WNK2: variants seen among roughly 807,000 people sequenced by gnomAD.
The protein encoded by WNK2 is WNK lysine deficient protein kinase 2, also known as serine/threonine-protein kinase WNK2.
A neutral mutation model predicts 192.1 loss-of-function variants in WNK2; 67 were observed. That is an observed-to-expected ratio of 0.35 (90% CI 0.29 to 0.43). The LOEUF is 0.43. Among genes scored for constraint, WNK2 ranks in the 20% least tolerant of loss-of-function variants. The pLI, the probability that WNK2 is intolerant of heterozygous loss-of-function variation, is 1.00. For missense variants in WNK2, 2,698 were observed against 3,089.7 expected, an observed-to-expected ratio of 0.87 and a Z score of 3.01; for synonymous variants, 1,439 against 1,393.9, an observed-to-expected ratio of 1.03 and a Z score of -0.72.
At position 93,283,129 on chromosome 9, in the gene WNK2, G is replaced by A. The variant is rs189637086; in HGVS notation, c.4034-5659G>A. 1.9e-4 allele frequency among the ~76,000 whole-genome samples: 29 copies of A among 152,218 alleles called. 1 individual carries two copies. Among genetic ancestry groups the A allele is most frequent in the African/African-American group, 4.6e-4 (19 of 41,542 alleles). ...AACATCATGCTAATGAAAATATTAC[G>A]TATCAAAATTTGTGAAATGCAGTTA... On this transcript the variant is annotated intron_variant, in intron 19 of 29. Coordinates refer to ENST00000427277, the MANE Select transcript of WNK2 (RefSeq NM_006648.4).
intron 9 of WNK2, 55 bp from the exon 10 acceptor site, chr9:93,256,244 A>C: frequency 1.4e-6 from 2 of 1,434,288 alleles, no homozygotes; most frequent in Non-Finnish European, 1.8e-6. Flanking sequence ...CCTGCCCAGG[A>C]GGGGGCCTGG....
At position 93,252,885 on chromosome 9, in the gene WNK2, G is replaced by C. The variant is rs1279443239; in HGVS notation, c.1837G>C (p.Asp613His). Residue 613 changes from aspartate to histidine, a missense_variant and splice_region_variant, in exon 9 of 30, where the codon GAC becomes CAC. Asp to His is a moderately conservative substitution (Grantham distance 81, BLOSUM62 -1). This residue lies in a region of WNK2 where 893 missense variants were observed against 909.0 expected (regional missense o/e 0.98). Coordinates refer to ENST00000427277, the MANE Select transcript of WNK2 (RefSeq NM_006648.4). ...LPTSATSLAS[D>H]STFDSGQGST... ...AGTCCTGCTTTTGTCCTCCCCAGCG[G>C]ACAGCACCTTCGACAGCGGCCAGGG... 6.8e-7 allele frequency: 1 copy of C among 1,481,168 alleles called. No individual in the cohort carries two copies. The highest frequency in any genetic ancestry group is 1.3e-5 in the South Asian group (1 of 74,438). The allele number at this position is 1,481,168 out of a possible 1,614,324, so 91.8% of individuals were successfully genotyped here. A position where few individuals can be genotyped will look rare whatever the true frequency, so the allele number is the denominator to read the frequency against.
intron 9 of WNK2, among the ~76,000 whole-genome samples, chr9:93,254,683 G>C (rs1335827116): frequency 6.6e-6 from 1 of 152,224 alleles, no homozygotes; most frequent in East Asian, 1.9e-4. Flanking sequence ...GAAAGGCGAG[G>C]CTGAACGTGG....
intron 5 of WNK2, among the ~76,000 whole-genome samples, chr9:93,235,497 C>T (rs1283279816): frequency 3.9e-5 from 6 of 152,366 alleles, no homozygotes; most frequent in Non-Finnish European, 7.3e-5. Context: ...GTTTTGCTGT[C>T]GCTGTGATTT....
intron 2 of WNK2, among the ~76,000 whole-genome samples, chr9:93,189,831 C>T (rs1196629174): frequency 6.6e-6 from 1 of 152,220 alleles, no homozygotes; most frequent in Non-Finnish European, 1.5e-5. Flanking sequence ...TGCTTTGCCC[C>T]GATGGCCTCT....
At chr9:93,246,499 A>G (rs1260179425) in intron 7 of WNK2, among the ~76,000 whole-genome samples, 3 of 152,212 alleles carry the variant, frequency 2.0e-5, no homozygotes, top group Non-Finnish European at 1.5e-5. Context: ...TGTGCGCTTC[A>G]CACCAACAGC....
intron 1 of WNK2, 114 bp from the exon 2 acceptor site, chr9:93,184,814 C>T (rs1490623066): frequency 3.0e-6 from 3 of 991,012 alleles, no homozygotes; most frequent in East Asian, 3.6e-5. Flanking sequence ...CAGGCTCTCT[C>T]CGCGGCCGGG....
chr9:93,319,267 C>G (rs1855227290), intron 29 of WNK2: 12 of 1,528,772 alleles, frequency 7.8e-6, no homozygotes, highest in Non-Finnish European at 8.8e-6. Context: ...AAGCAACCAG[C>G]CTCCTAGGGA....
At chr9:93,194,696 G>A (rs768854510) in intron 2 of WNK2, among the ~76,000 whole-genome samples, 5 of 152,176 alleles carry the variant, frequency 3.3e-5, no homozygotes, top group African/African-American at 7.2e-5. Flanking sequence ...CAGCAACTGC[G>A]TTCCTTGGTA....
intron 7 of WNK2, among the ~76,000 whole-genome samples, chr9:93,246,983 G>T (rs181101729): frequency 3.3e-5 from 5 of 152,298 alleles, no homozygotes; most frequent in Admixed American, 2.6e-4. Context: ...AGACCTTCGG[G>T]CTCTCTTACA....
intron 28 of WNK2, 175 bp from the exon 29 acceptor site, chr9:93,317,345 T>C: frequency 1.6e-6 from 1 of 643,966 alleles, no homozygotes; most frequent in Non-Finnish European, 2.7e-6. Context: ...AGGGTGATGG[T>C]TCCTGGCCCC....
intron 2 of WNK2, among the ~76,000 whole-genome samples, chr9:93,210,517 GC>G (rs1834310947): frequency 1.3e-5 from 2 of 152,090 alleles, no homozygotes; most frequent in African/African-American, 4.8e-5. Context: ...CTTCCTGTGC[GC>G]GTGGGTGCTG....
In WNK2 at chr9:93,257,042, A is replaced by G; in HGVS notation, c.2285A>G (p.Tyr762Cys). ...LQPVPPHLPP[Y>C]LAPASQVGAP... is the part of the protein sequence containing the mutation. ...CCGGTTCCCCCCCACCTGCCACCGT[A>G]CCTGGCTCCAGCCTCCCAGGTGGGG... Residue 762 changes from tyrosine (Y) to cysteine (C), a missense_variant, in exon 11 of 30, where the codon TAC (tyrosine) becomes TGC (cysteine). By Grantham distance (194) the Tyr-to-Cys change is radical. Around this residue, in one of 7 missense-constraint regions of WNK2, gnomAD observed 893 missense variants for 909.0 expected, o/e 0.98. Coordinates refer to ENST00000427277, the MANE Select transcript of WNK2 (RefSeq NM_006648.4). The surrounding 1 kb of genome is among the most constrained non-coding windows in gnomAD (Gnocchi z 4.7). The G allele has an allele frequency of 6.2e-7, 1 of 1,604,074 alleles. No homozygotes were observed. The highest frequency in any genetic ancestry group is 8.5e-7 in the Non-Finnish European group (1 of 1,177,658).
intron 7 of WNK2, among the ~76,000 whole-genome samples, chr9:93,243,317 G>A (rs1841097968): frequency 1.3e-5 from 2 of 152,066 alleles, no homozygotes; most frequent in Admixed American, 6.6e-5. Flanking sequence ...CCCTCCTGCA[G>A]GGTCATTGTG....
Position 93,289,424 on chromosome 9 carries a change from G to A in WNK2, c.4670G>A (p.Arg1557Gln), listed in dbSNP as rs1848967894. Residue 1557 changes from arginine to glutamine, a missense_variant, in exon 20 of 30, where the codon CGG becomes CAG. Around this residue, in one of 7 missense-constraint regions of WNK2, gnomAD observed 1,098 missense variants for 1,101.0 expected, o/e 1.00. Coordinates refer to ENST00000427277, the MANE Select transcript of WNK2 (RefSeq NM_006648.4). ...STIKSLDEKL[R>Q]TLLYQEHVPT... ...ATCAAGAGCCTGGACGAGAAGCTGC[G>A]GACTCTGCTCTACCAGGAGCACGTG... is the stretch of plus-strand genomic sequence containing the variant. 6 of 1,612,974 alleles carry A rather than the reference G, an allele frequency of 3.7e-6. No homozygotes were observed. The highest frequency in any genetic ancestry group is 5.1e-6 in the Non-Finnish European group (6 of 1,179,762).
At chr9:93,293,481 G>A (rs562166435) in intron 23 of WNK2, among the ~76,000 whole-genome samples, 4 of 152,060 alleles carry the variant, frequency 2.6e-5, no homozygotes, top group Non-Finnish European at 2.9e-5. Flanking sequence ...CACCACGCCC[G>A]GTTGATTTTT....
chr9:93,306,587 C>T (rs1311952859), intron 26 of WNK2, 190 bp from the exon 27 acceptor site: 2 of 662,438 alleles, frequency 3.0e-6, no homozygotes, highest in South Asian at 1.9e-5. Context: ...CGGCGAAGCT[C>T]GTGGGAGCCT....
intron 2 of WNK2, among the ~76,000 whole-genome samples, chr9:93,206,973 C>T (rs1254015132): frequency 6.6e-6 from 1 of 152,168 alleles, no homozygotes; most frequent in Non-Finnish European, 1.5e-5. Context: ...GTCTCTTTAT[C>T]TGCTGAGTGA....
intron 7 of WNK2, among the ~76,000 whole-genome samples, chr9:93,246,664 G>A (rs565114659): frequency 6.6e-6 from 1 of 152,270 alleles, no homozygotes; most frequent in South Asian, 2.1e-4. Flanking sequence ...TCCCCTCCCC[G>A]ATAGCTATGA....
Sources: allele counts gnomAD v4.1 joint callset (sites outside exome capture counted in the v4.1 genomes callset), GRCh38; gene constraint gnomAD v4.1.1; regional missense constraint gnomAD v4.1.1; non-coding constraint Gnocchi (gnomAD v3.1); transcripts MANE v1.5; gene names NCBI Gene and HGNC (gene_info 2026-07-23, HGNC 2026-07-21).